C1GALT1: variants seen among roughly 807,000 people sequenced by gnomAD.
C1GALT1 encodes the protein core 1 synthase, glycoprotein-N-acetylgalactosamine 3-beta-galactosyltransferase 1, also known as glycoprotein-N-acetylgalactosamine 3-beta-galactosyltransferase 1.
Under a neutral mutation model 31.0 loss-of-function variants are expected in C1GALT1, and 11 were observed. The observed-to-expected ratio is 0.36, with a 90% CI of 0.22 to 0.59. C1GALT1 has a LOEUF of 0.59. C1GALT1 is among the 20% of genes least tolerant of loss of function. C1GALT1 has a pLI of 0.79. For missense variants in C1GALT1, 424 were observed against 425.2 expected (o/e 1.00, Z 0.03); for synonymous variants, 175 against 143.6 (o/e 1.22, Z -1.56).
intron 2 of C1GALT1, among the ~76,000 whole-genome samples, chr7:7,167,617 G>C (rs963544473): frequency 7.3e-5 from 11 of 151,362 alleles, no homozygotes; most frequent in Admixed American, 5.9e-4. Flanking sequence ...GATAATCATT[G>C]AGAGGGTCTT....
At chr7:7,237,618 C>T (rs752771402) in intron 2 of C1GALT1, among the ~76,000 whole-genome samples, 1 of 152,160 alleles carries the variant, frequency 6.6e-6, no homozygotes, top group Non-Finnish European at 1.5e-5. Context: ...GGTGGATTTA[C>T]ATTTTGGAAT....
intron 1 of C1GALT1, among the ~76,000 whole-genome samples, chr7:7,194,535 G>C (rs959567564): frequency 6.6e-6 from 1 of 150,480 alleles, no homozygotes; most frequent in African/African-American, 2.5e-5. Flanking sequence ...CTTGATAATG[G>C]TGTGTTATCT....
chr7:7,247,203 T>C lies in C1GALT1; in HGVS notation c.*3476T>C, dbSNP rs1002029838. The C allele has an allele frequency of 6.6e-6, 1 of 152,152 alleles. No homozygotes were observed. Among genetic ancestry groups the C allele is most frequent in the African/African-American group, 2.4e-5 (1 of 41,448 alleles). 9.4% of individuals were successfully genotyped at this position (152,152 alleles called of 1,614,324 possible). A position where few individuals can be genotyped will look rare whatever the true frequency, so the allele number is the denominator to read the frequency against. ...AGCAAAAGAAAAATAAAAAAGCAAT[T>C]CTCCAAGTACTTCATAGAGCACATA... On this transcript the variant is annotated 3_prime_UTR_variant, in exon 4 of 4. Coordinates refer to ENST00000436587, the MANE Select transcript of C1GALT1 (RefSeq NM_020156.5).
At chr7:7,179,291 G>C (rs1780543007), upstream of C1GALT1, among the ~76,000 whole-genome samples, 2 of 152,184 alleles carry the variant, frequency 1.3e-5, no homozygotes, top group African/African-American at 4.8e-5. Flanking sequence ...ATTTAATACA[G>C]TCCAAACTCA....
chr7:7,180,999 G>A (rs1446051005), upstream of C1GALT1, among the ~76,000 whole-genome samples: 1 of 152,074 alleles, frequency 6.6e-6, no homozygotes, highest in Non-Finnish European at 1.5e-5. Flanking sequence ...TAATTTTCCA[G>A]GATAAGGCTG....
At chr7:7,235,611 C>T (rs972754461) in intron 2 of C1GALT1, among the ~76,000 whole-genome samples, 4 of 152,166 alleles carry the variant, frequency 2.6e-5, no homozygotes, top group African/African-American at 9.7e-5. Flanking sequence ...GGCCTCACTG[C>T]AGGCATGTGT....
chr7:7,169,977 T>G (rs1780436402), intron 2 of C1GALT1, among the ~76,000 whole-genome samples: 1 of 152,252 alleles, frequency 6.6e-6, no homozygotes, highest in Admixed American at 6.5e-5. Flanking sequence ...TGAAGCTATC[T>G]GGTCCTGGAC....
rs1261166549 is a variant in C1GALT1, at chr7:7,164,476, A to G, written c.-18+7050A>G. ...CTCTCCTCTTGCTTTACATTTTGCC[A>G]TAGGCTGGGTTTTCCAGAAAACAGA... On this transcript the variant is annotated intron_variant, in intron 2 of 3. Coordinates refer to the C1GALT1 transcript ENST00000429911. Among the ~76,000 whole-genome samples, 5 of 152,286 alleles carry G rather than the reference A, an allele frequency of 3.3e-5. No homozygotes were observed. The East Asian group carries it at 5.8e-4, about 18-fold the overall frequency.
At chr7:7,218,438 T>C (rs1473428880) in intron 1 of C1GALT1, among the ~76,000 whole-genome samples, 1 of 152,162 alleles carries the variant, frequency 6.6e-6, no homozygotes, top group Non-Finnish European at 1.5e-5. Flanking sequence ...AGTAGTAAAA[T>C]TTATTGGCCC....
At chr7:7,191,039 A>G (rs1472607556) in intron 1 of C1GALT1, among the ~76,000 whole-genome samples, 2 of 152,082 alleles carry the variant, frequency 1.3e-5, no homozygotes, top group African/African-American at 4.8e-5. Context: ...GATCAGTGGT[A>G]TTAACTACAT....
At chr7:7,187,957 A>G (rs1017056241) in intron 1 of C1GALT1, among the ~76,000 whole-genome samples, 1 of 152,156 alleles carries the variant, frequency 6.6e-6, no homozygotes, top group African/African-American at 2.4e-5. Flanking sequence ...CCGTGAAAGG[A>G]TTCATGGGGT....
chr7:7,243,364 G>A lies in C1GALT1; in HGVS notation c.889-160G>A, dbSNP rs577661165. Among the ~76,000 whole-genome samples the A allele has an allele frequency of 7.2e-5, 11 of 152,176 alleles. No individual in the cohort carries two copies. The East Asian group carries it at 2.1e-3, about 29-fold the overall frequency. On this transcript the variant is annotated intron_variant, in intron 3 of 3. Coordinates refer to ENST00000436587, the MANE Select transcript of C1GALT1 (RefSeq NM_020156.5). ...CATTAGGATGTCTAAGTAAACTATT[G>A]ATTTCTTCCACAGGTCTAGTACATT...
At chr7:7,233,646 C>CTGTT (rs1301429653) in intron 1 of C1GALT1, among the ~76,000 whole-genome samples, 1 of 152,156 alleles carries the variant, frequency 6.6e-6, no homozygotes, top group African/African-American at 2.4e-5. Flanking sequence ...ATTCACTCTG[C>CTGTT]TGTTTTAGGG....
At chr7:7,243,415 C>T (rs575981570) in intron 3 of C1GALT1, 109 bp from the exon 4 acceptor site, 35 of 913,330 alleles carry the variant, frequency 3.8e-5, no homozygotes, top group East Asian at 5.0e-5. Flanking sequence ...ACCTTGCCAT[C>T]TTTAATGTTT....
chr7:7,241,205 TATTAGTAC>T (rs1291974550), intron 3 of C1GALT1, among the ~76,000 whole-genome samples: 1 of 152,022 alleles, frequency 6.6e-6, no homozygotes, highest in Non-Finnish European at 1.5e-5. Context: ...ATCTGAAACA[TATTAGTAC>T]ATAAGTGAGG....
intron 2 of C1GALT1, among the ~76,000 whole-genome samples, chr7:7,236,387 A>G (rs558104036): frequency 2.0e-5 from 3 of 152,286 alleles, no homozygotes; most frequent in East Asian, 3.9e-4. Context: ...AAGGTTTGGT[A>G]TATTTGTATA....
chr7:7,226,754 G>A (rs1782778084), intron 1 of C1GALT1, among the ~76,000 whole-genome samples: 1 of 152,102 alleles, frequency 6.6e-6, no homozygotes, highest in Admixed American at 6.6e-5. Context: ...CAAATTTAGA[G>A]GAGTTGTGAT....
chr7:7,166,811 A>G (rs1201617004), intron 2 of C1GALT1, among the ~76,000 whole-genome samples: 1 of 152,236 alleles, frequency 6.6e-6, no homozygotes, highest in Non-Finnish European at 1.5e-5. Context: ...TGCTTAGCAC[A>G]CTGTGTAATA....
chr7:7,243,486 C>T (rs373753284), intron 3 of C1GALT1, 38 bp from the exon 4 acceptor site: 7 of 1,447,562 alleles, frequency 4.8e-6, no homozygotes, highest in Non-Finnish European at 6.6e-6. Context: ...TAGCAATGTG[C>T]TGTTTATTAA....
Sources: allele counts gnomAD v4.1 joint callset (sites outside exome capture counted in the v4.1 genomes callset), GRCh38; gene constraint gnomAD v4.1.1; transcripts MANE v1.5; gene names NCBI Gene and HGNC (gene_info 2026-07-23, HGNC 2026-07-21).